The following COL11A1 variants were observed in gnomAD, a reference collection of about 807,000 sequenced individuals.
COL11A1 encodes the protein collagen alpha-1(XI) chain.
In COL11A1, 74 loss-of-function variants were observed where a neutral mutation model predicts 265.2. That is an observed-to-expected ratio of 0.28 (90% CI 0.23 to 0.34). The LOEUF (loss-of-function observed/expected upper bound fraction) is 0.34. Ranked by LOEUF, COL11A1 falls within the 10% of genes least tolerant of loss-of-function variation. COL11A1 has a pLI of 1.00. For missense variants in COL11A1, 2,165 were observed against 2,263.6 expected (o/e 0.96, Z 0.88); for synonymous variants, 816 against 727.6 (o/e 1.12, Z -1.96).
rs1028256951 is a variant in COL11A1, at chr1:103,108,186, C to T, written c.-8G>A. On this transcript the variant is annotated 5_prime_UTR_variant, in exon 1 of 67. Transcript: ENST00000370096. ...AGAGGACCACGGCTCCATCTCCGAGCCCCGCACTCACAACTGTGAACTCAA... is the reference window on the plus strand; with the variant it reads ...AGAGGACCACGGCTCCATCTCCGAGTCCCGCACTCACAACTGTGAACTCAA... 3 of 1,612,080 alleles carry T rather than the reference C, an allele frequency of 1.9e-6. No homozygotes were observed. The highest frequency in any genetic ancestry group is 1.7e-5 in the Admixed American group (1 of 59,986).
rs59259783 is a variant in COL11A1, at chr1:103,006,178, AAAAT to A, written c.1738-61_1738-58del. 121 of 953,194 alleles carry A rather than the reference AAAAT, an allele frequency of 1.3e-4. 4 individuals carry two copies. Among genetic ancestry groups the A allele is most frequent in the Middle Eastern group, 2.5e-4 (1 of 3,968 alleles). 59.0% of individuals were successfully genotyped at this position (953,194 alleles called of 1,614,324 possible). A position where few individuals can be genotyped will look rare whatever the true frequency, so the allele number is the denominator to read the frequency against. ...TGACTTTTATTACTAGCAAGGAAGT[AAAAT>A]AAATAAATAAATAAATAAATAAATA... On this transcript the variant is annotated intron_variant, in intron 16 of 66. Coordinates refer to ENST00000370096, the MANE Select transcript of COL11A1 (RefSeq NM_001854.4).
intron 43 of COL11A1, among the ~76,000 whole-genome samples, chr1:102,939,735 A>G (rs557160203): frequency 6.6e-6 from 1 of 152,254 alleles, no homozygotes; most frequent in South Asian, 2.1e-4. Flanking sequence ...TAAAAACAAA[A>G]TAATGGAAAA....
At chr1:103,010,007 G>A (rs760223227) in intron 14 of COL11A1, among the ~76,000 whole-genome samples, 4 of 152,002 alleles carry the variant, frequency 2.6e-5, no homozygotes, top group Non-Finnish European at 1.5e-5. Context: ...CTGTATATAA[G>A]CACTACCTAC....
intron 62 of COL11A1, among the ~76,000 whole-genome samples, chr1:102,888,332 T>C (rs1651267144): frequency 6.6e-6 from 1 of 152,172 alleles, no homozygotes; most frequent in South Asian, 2.1e-4. Flanking sequence ...AGTATATGAT[T>C]CTCTTGAAAA....
chr1:102,891,506 C>T (rs1297055625), intron 57 of COL11A1, among the ~76,000 whole-genome samples: 1 of 151,682 alleles, frequency 6.6e-6, no homozygotes, highest in Non-Finnish European at 1.5e-5. Context: ...CTTTAGCAAC[C>T]AACTCTGTCC....
intron 4 of COL11A1, among the ~76,000 whole-genome samples, chr1:103,033,872 T>C (rs1345655005): frequency 6.6e-6 from 1 of 152,124 alleles, no homozygotes; most frequent in Non-Finnish European, 1.5e-5. Context: ...GGACTCCAGC[T>C]ATCTTCCGAC....
intron 13 of COL11A1, 74 bp from the exon 14 acceptor site, chr1:103,012,543 C>T: frequency 1.8e-6 from 2 of 1,103,260 alleles, no homozygotes; most frequent in Admixed American, 1.8e-5. Context: ...TGAATCTGCA[C>T]AAGCTGCCCT....
intron 3 of COL11A1, among the ~76,000 whole-genome samples, chr1:103,075,550 G>A (rs1451356130): frequency 6.6e-6 from 1 of 152,254 alleles, no homozygotes; most frequent in Non-Finnish European, 1.5e-5. Context: ...TGGCTGGGGA[G>A]ACATGGCCAG....
chr1:102,967,625 A>G (rs1661574413), intron 37 of COL11A1, among the ~76,000 whole-genome samples: 1 of 152,122 alleles, frequency 6.6e-6, no homozygotes, highest in Non-Finnish European at 1.5e-5. Context: ...CTTTGCTTTG[A>G]TAATGTATCC....
At chr1:103,076,686 T>C (rs559648991) in intron 3 of COL11A1, among the ~76,000 whole-genome samples, 13 of 152,156 alleles carry the variant, frequency 8.5e-5, no homozygotes, top group Non-Finnish European at 1.6e-4. Context: ...TGAGGATTCA[T>C]TCATATTAAA....
intron 1 of COL11A1, among the ~76,000 whole-genome samples, chr1:103,104,166 T>C (rs1455291702): frequency 6.6e-6 from 1 of 152,076 alleles, no homozygotes; most frequent in Non-Finnish European, 1.5e-5. Flanking sequence ...AAAATTCAGC[T>C]TGTATTACAC....
At chr1:102,899,696 C>G (rs1652943345) in intron 54 of COL11A1, among the ~76,000 whole-genome samples, 1 of 151,974 alleles carries the variant, frequency 6.6e-6, no homozygotes, top group Non-Finnish European at 1.5e-5. Context: ...TTCCCTCAGA[C>G]TGTCTTGTTT....
chr1:102,966,253 G>A (rs1661392396), intron 37 of COL11A1, among the ~76,000 whole-genome samples: 3 of 152,250 alleles, frequency 2.0e-5, no homozygotes, highest in African/African-American at 2.4e-5. Context: ...TCTTACCCAT[G>A]AGAGTTAAGT....
At chr1:103,059,961 T>C (rs1176160978) in intron 4 of COL11A1, among the ~76,000 whole-genome samples, 4 of 151,956 alleles carry the variant, frequency 2.6e-5, no homozygotes, top group Non-Finnish European at 5.9e-5. Flanking sequence ...TTTGAAGCAA[T>C]AGTGACTGAG....
intron 3 of COL11A1, 43 bp downstream of exon 3, chr1:103,078,615 T>A (rs1404675430): frequency 6.4e-7 from 1 of 1,554,748 alleles, no homozygotes; most frequent in African/African-American, 1.5e-5. Flanking sequence ...ATAAAAAAAA[T>A]GATTTTGGCA....
chr1:102,923,401 T>C lies in COL11A1; in HGVS notation c.3601-12A>G, dbSNP rs1324797555. 1.3e-6 allele frequency: 2 copies of C among 1,578,826 alleles called. No homozygotes were observed. Among genetic ancestry groups the C allele is most frequent in the African/African-American group, 1.4e-5 (1 of 73,024 alleles). On this transcript the variant is annotated splice_polypyrimidine_tract_variant and intron_variant, in intron 46 of 66. Coordinates refer to ENST00000370096, the MANE Select transcript of COL11A1 (RefSeq NM_001854.4). The stretch of plus-strand genomic sequence containing the variant: ...GGGCCTGGCAGACCCTAAGAAAATA[T>C]AATAGAAAAATAATAAAAGTCACTG...
intron 1 of COL11A1, among the ~76,000 whole-genome samples, chr1:103,096,088 C>CT (rs985207047): frequency 1.2e-4 from 17 of 147,714 alleles, no homozygotes; most frequent in South Asian, 8.6e-4. Flanking sequence ...CTTGAATCAA[C>CT]TTTTTTTTTT....
intron 4 of COL11A1, among the ~76,000 whole-genome samples, chr1:103,044,142 T>C (rs1382377084): frequency 2.0e-5 from 3 of 150,834 alleles, no homozygotes; most frequent in African/African-American, 7.3e-5. Flanking sequence ...ATTCTGAATT[T>C]GCCAAGGCAT....
intron 56 of COL11A1, 67 bp downstream of exon 56, chr1:102,898,599 C>A: frequency 7.9e-7 from 1 of 1,266,518 alleles, no homozygotes; most frequent in Non-Finnish European, 1.1e-6. Flanking sequence ...TAGACACCTT[C>A]ATTCAAAATT....
Sources: allele counts gnomAD v4.1 joint callset (sites outside exome capture counted in the v4.1 genomes callset), GRCh38; gene constraint gnomAD v4.1.1; transcripts MANE v1.5; gene names NCBI Gene and HGNC (gene_info 2026-07-23, HGNC 2026-07-21).